Variants in BCAS1 observed in about 807,000 individuals in gnomAD.
The protein encoded by BCAS1 is breast carcinoma-amplified sequence 1.
Under a neutral mutation model 65.4 loss-of-function variants are expected in BCAS1, and 46 were observed. That is an observed-to-expected ratio of 0.70 (90% CI 0.55 to 0.90). The LOEUF (loss-of-function observed/expected upper bound fraction) is 0.90, where lower values mean the gene tolerates loss of function less well. Among genes scored for constraint, BCAS1 ranks in the 40% least tolerant of loss-of-function variants. The pLI is 0.00. For synonymous variants in BCAS1, 298 were observed against 293.5 expected, an observed-to-expected ratio of 1.02 and a Z score of -0.16; for missense variants, 793 against 771.2, an observed-to-expected ratio of 1.03 and a Z score of -0.33.
Position 54,028,881 on chromosome 20 carries a change from C to G in BCAS1, c.234G>C (p.Lys78Asn), listed in dbSNP as rs974809139. 1 of 1,613,996 alleles carries G rather than the reference C, an allele frequency of 6.2e-7. No individual in the cohort carries two copies. Among genetic ancestry groups the G allele is most frequent in the Non-Finnish European group, 8.5e-7 (1 of 1,180,016 alleles). Residue 78 changes from lysine to asparagine, a missense_variant, in exon 4 of 13, where the codon AAG (lysine) becomes AAC (asparagine). Coordinates refer to ENST00000688948, the MANE Select transcript of BCAS1 (RefSeq NM_001366298.2). The part of the protein sequence containing the change: ...EISAVADANG[K>N]NLGKEAKPEA... ...CGGGTTTGGCCTCTTTCCCAAGATTCTTTCCGTTGGCATCCGCAACAGCAC... is the reference window on the plus strand; with the variant it reads ...CGGGTTTGGCCTCTTTCCCAAGATTGTTTCCGTTGGCATCCGCAACAGCAC...
intron 4 of BCAS1, among the ~76,000 whole-genome samples, chr20:54,009,765 C>A (rs919426721): frequency 6.6e-6 from 1 of 151,892 alleles, no homozygotes; most frequent in Admixed American, 6.6e-5. Context: ...AAAGATGGCA[C>A]CAAAGAAATG....
intron 4 of BCAS1, among the ~76,000 whole-genome samples, chr20:54,013,721 C>T (rs2091371348): frequency 6.6e-6 from 1 of 152,200 alleles, no homozygotes; most frequent in Non-Finnish European, 1.5e-5. Flanking sequence ...TTAAATAACT[C>T]ATGGTACAAC....
At chr20:53,956,342 AAG>A (rs2089698474) in intron 11 of BCAS1, among the ~76,000 whole-genome samples, 1 of 152,230 alleles carries the variant, frequency 6.6e-6, no homozygotes, top group South Asian at 2.1e-4. Flanking sequence ...ACAAACCAGG[AAG>A]AGAGTCCTCA....
intron 8 of BCAS1, 64 bp downstream of exon 8, chr20:53,985,223 T>C (rs1459115999): frequency 2.7e-6 from 4 of 1,478,778 alleles, no homozygotes; most frequent in South Asian, 1.1e-5. Flanking sequence ...GTTAGCCCAA[T>C]AGAAATAAGT....
intron 8 of BCAS1, among the ~76,000 whole-genome samples, chr20:53,980,825 T>C (rs1207285522): frequency 3.3e-5 from 5 of 152,212 alleles, no homozygotes; most frequent in African/African-American, 2.4e-5. Context: ...TTCTGTATGT[T>C]CTCTATATAA....
intron 1 of BCAS1, among the ~76,000 whole-genome samples, chr20:54,066,650 C>T (rs907535566): frequency 5.3e-5 from 8 of 152,204 alleles, no homozygotes; most frequent in Non-Finnish European, 8.8e-5. Context: ...CTCTCTCAAC[C>T]GTGTGAGGAC....
Position 54,053,673 on chromosome 20 carries a change from G to C in BCAS1, c.142+4412C>G, listed in dbSNP as rs114251511. On this transcript the variant is annotated intron_variant, in intron 3 of 12. Coordinates refer to ENST00000688948, the MANE Select transcript of BCAS1 (RefSeq NM_001366298.2). ...AGACACTGTTCTGAGAGTTTTAGGA[G>C]TATCAACTTATTTAAACCGTACAAT... Among the ~76,000 whole-genome samples the C allele has an allele frequency of 1.4e-3, 219 of 152,346 alleles. 1 individual carries two copies. Among genetic ancestry groups the C allele is most frequent in the African/African-American group, 5.0e-3 (210 of 41,590 alleles).
intron 8 of BCAS1, among the ~76,000 whole-genome samples, chr20:53,982,073 C>T (rs953906683): frequency 6.6e-6 from 1 of 152,118 alleles, no homozygotes; most frequent in Non-Finnish European, 1.5e-5. Context: ...GTGAGAAAAA[C>T]ACAGTCCTTA....
intron 1 of BCAS1, among the ~76,000 whole-genome samples, chr20:54,062,570 A>G (rs2146354015): frequency 6.6e-6 from 1 of 152,362 alleles, no homozygotes; most frequent in South Asian, 2.1e-4. Flanking sequence ...TAAAGCTCTT[A>G]CTATTTAATG....
Position 53,985,390 on chromosome 20 carries a change from G to T in BCAS1, c.1172C>A (p.Ser391Ter). The T allele has an allele frequency of 2.5e-6, 4 of 1,614,014 alleles. No individual in the cohort carries two copies. Among genetic ancestry groups the T allele is most frequent in the Non-Finnish European group, 3.4e-6 (4 of 1,179,964 alleles). The change falls in exon 8 of 13, where the codon TCG (serine) becomes TAG (stop). Residue 391 changes from serine (S) to a stop codon, truncating the protein, a stop_gained. Transcript: ENST00000688948. LOFTEE classifies it high-confidence loss of function. ...AGKNSKGCNPSGHTQSVTTPE... is the reference protein window; with the variant it reads ...AGKNSKGCNP ...GGTTGTCACGGACTGTGTGTGCCCC[G>T]ATGGGTTGCATCCTTTGGAATTCTT...
At position 53,944,180 on chromosome 20, in the gene BCAS1, C is replaced by T. The variant is rs2089232368; in HGVS notation, c.*742G>A. ...GCAACCACCCAACACAGCCCGGGTT[C>T]TCCCTCCTTGAGATGTGAATTTAAA... is the stretch of plus-strand genomic sequence containing the variant. On this transcript the variant is annotated 3_prime_UTR_variant, in exon 13 of 13. Coordinates refer to ENST00000688948, the MANE Select transcript of BCAS1 (RefSeq NM_001366298.2). The T allele has an allele frequency of 2.0e-5, 3 of 152,190 alleles. No homozygotes were observed. The highest frequency in any genetic ancestry group is 1.3e-4 in the Admixed American group (2 of 15,272). 9.4% of individuals were successfully genotyped at this position (152,190 alleles called of 1,614,324 possible).
intron 10 of BCAS1, among the ~76,000 whole-genome samples, chr20:53,959,295 C>T (rs2089801852): frequency 6.6e-6 from 1 of 151,792 alleles, no homozygotes; most frequent in Admixed American, 6.6e-5. Flanking sequence ...ACTCTCTTGC[C>T]CAAGCTGGAG....
intron 4 of BCAS1, among the ~76,000 whole-genome samples, chr20:53,999,950 G>A (rs561435231): frequency 1.8e-4 from 27 of 152,146 alleles, no homozygotes; most frequent in Non-Finnish European, 4.0e-4. Context: ...GGCTGGTCTT[G>A]AACTCCTGAC....
chr20:53,987,863 C>T (rs533205500), intron 7 of BCAS1, among the ~76,000 whole-genome samples: 55 of 152,262 alleles, frequency 3.6e-4, no homozygotes, highest in African/African-American at 1.2e-3. Context: ...GAGTTTTCCA[C>T]GCACAGGGAA....
chr20:53,957,336 G>A (rs979203397), intron 11 of BCAS1, 96 bp downstream of exon 11: 3 of 1,140,700 alleles, frequency 2.6e-6, no homozygotes, highest in East Asian at 4.7e-5. Flanking sequence ...TATTAAATGA[G>A]TTGGCTGTGG....
intron 3 of BCAS1, among the ~76,000 whole-genome samples, chr20:54,055,000 TA>T (rs1436786910): frequency 6.6e-6 from 1 of 152,004 alleles, no homozygotes; most frequent in East Asian, 1.9e-4. Flanking sequence ...GCATAATATA[TA>T]AAAAACATAA....
rs869123561 is a variant in BCAS1, at chr20:54,042,754, GAAGAAATAATGAA to G, written c.143-13795_143-13783del. The stretch of plus-strand genomic sequence containing the variant: ...GCACCTACCCCATCCATTAAGAAAT[GAAGAAATAATGAA>G]AAGAAAAAATGAAAGTAGGGAACTA... On this transcript the variant is annotated intron_variant, in intron 3 of 12. Transcript: ENST00000688948. Among the ~76,000 whole-genome samples the G allele has an allele frequency of 2.0e-4, 31 of 152,308 alleles. 3 individuals carry two copies. In the East Asian group the frequency reaches 3.9e-3, roughly 19 times the overall value.
At chr20:53,948,343 A>AT (rs2089400029) in intron 12 of BCAS1, among the ~76,000 whole-genome samples, 1 of 150,868 alleles carries the variant, frequency 6.6e-6, no homozygotes, top group Non-Finnish European at 1.5e-5. Context: ...TTGTACAAGC[A>AT]TTTTCTTCAT....
intron 1 of BCAS1, among the ~76,000 whole-genome samples, chr20:54,060,230 C>A (rs768172973): frequency 6.6e-6 from 1 of 152,152 alleles, no homozygotes; most frequent in Admixed American, 6.5e-5. Flanking sequence ...ATGCTTGTGA[C>A]GTGGTTAGAA....
Sources: gnomAD v4.1 joint callset for allele counts (sites outside exome capture counted in the v4.1 genomes callset) on GRCh38, gnomAD v4.1.1 for gene constraint, MANE v1.5 for transcripts, NCBI Gene and HGNC (gene_info 2026-07-23, HGNC 2026-07-21) for gene names.